MPRIP: variants seen among roughly 807,000 people sequenced by gnomAD.
MPRIP encodes the protein myosin phosphatase Rho interacting protein.
Under a neutral mutation model 234.9 loss-of-function variants are expected in MPRIP, and 59 were observed. That is an observed-to-expected ratio of 0.25 (90% CI 0.20 to 0.31). MPRIP has a LOEUF of 0.31. Among genes scored for constraint, MPRIP ranks in the 10% least tolerant of loss-of-function variants. MPRIP has a pLI of 1.00. For missense variants in MPRIP, 2,436 were observed against 3,071.0 expected (o/e 0.79, Z 4.89); for synonymous variants, 1,144 against 1,263.9 (o/e 0.91, Z 2.01).
intron 3 of MPRIP, among the ~76,000 whole-genome samples, chr17:17,119,865 T>C (rs1022148002): frequency 1.6e-4 from 24 of 152,242 alleles, no homozygotes; most frequent in African/African-American, 5.5e-4. Context: ...CGTTTTCCAT[T>C]TCATGTGCAT....
chr17:17,125,489 A>AG (rs1417315088), intron 3 of MPRIP, among the ~76,000 whole-genome samples: 5 of 152,248 alleles, frequency 3.3e-5, no homozygotes, highest in Non-Finnish European at 7.3e-5. Flanking sequence ...TGACTCCTGC[A>AG]GGCAGGCATC....
intron 3 of MPRIP, among the ~76,000 whole-genome samples, chr17:17,109,981 C>T (rs899443395): frequency 1.2e-4 from 19 of 152,132 alleles, no homozygotes; most frequent in Admixed American, 1.2e-3. Context: ...CTCCAAACCT[C>T]ACGTTGAAAT....
intron 13 of MPRIP, among the ~76,000 whole-genome samples, chr17:17,157,061 G>T (rs1377531588): frequency 6.6e-6 from 1 of 152,210 alleles, no homozygotes; most frequent in African/African-American, 2.4e-5. Flanking sequence ...GAGGGCCTGG[G>T]TGAGATTAGG....
chr17:17,101,870 C>T (rs1473817868), intron 3 of MPRIP, among the ~76,000 whole-genome samples: 1 of 152,158 alleles, frequency 6.6e-6, no homozygotes, highest in Non-Finnish European at 1.5e-5. Context: ...AGAAAGCCTG[C>T]CTGCCTTGGC....
In MPRIP at chr17:17,192,602, C is replaced by T. The variant is rs889910357; in HGVS notation, c.*7708C>T. On this transcript the variant is annotated 3_prime_UTR_variant, in exon 24 of 24. Coordinates refer to ENST00000651222, the MANE Select transcript of MPRIP (RefSeq NM_001364716.4). ...TTTTTATTTTGTAAATATTACCTAACTTTACATAAACTATATCATAATAAA... is the reference window on the plus strand; with the variant it reads ...TTTTTATTTTGTAAATATTACCTAATTTTACATAAACTATATCATAATAAA... 1.3e-5 allele frequency: 2 copies of T among 152,054 alleles called. No homozygotes were observed. The highest frequency in any genetic ancestry group is 4.8e-5 in the African/African-American group (2 of 41,404). 9.4% of individuals were successfully genotyped at this position (152,054 alleles called of 1,614,324 possible). A position where few individuals can be genotyped will look rare whatever the true frequency, so the allele number is the denominator to read the frequency against.
At chr17:17,065,441 G>C (rs1321480546) in intron 1 of MPRIP, among the ~76,000 whole-genome samples, 2 of 143,578 alleles carry the variant, frequency 1.4e-5, no homozygotes, top group African/African-American at 5.2e-5. Context: ...TTTGTTGAAA[G>C]ACTGTATTTC....
At chr17:17,057,813 A>G in intron 1 of MPRIP, 2 of 673,862 alleles carry the variant, frequency 3.0e-6, no homozygotes, top group Non-Finnish European at 5.4e-6. Flanking sequence ...GGATCTTCAC[A>G]GTTTGAAGAG....
chr17:17,180,771 CATACCA>C, intron 23 of MPRIP: 1 of 1,229,450 alleles, frequency 8.1e-7, no homozygotes, highest in Non-Finnish European at 1.2e-6. Flanking sequence ...CCAACAAACA[CATACCA>C]AATCCAAGTG....
intron 23 of MPRIP, among the ~76,000 whole-genome samples, chr17:17,183,964 G>T (rs2046424161): frequency 6.6e-6 from 1 of 152,274 alleles, no homozygotes; most frequent in African/African-American, 2.4e-5. Flanking sequence ...AGGGCTGAGT[G>T]TGATGGCGAC....
chr17:17,162,075 A>G (rs1034470117), intron 15 of MPRIP, among the ~76,000 whole-genome samples: 2 of 152,226 alleles, frequency 1.3e-5, no homozygotes, highest in Non-Finnish European at 2.9e-5. Flanking sequence ...GGAGATTGTG[A>G]TAGGAAGATT....
At chr17:17,130,268 AC>A (rs1423894633) in intron 4 of MPRIP, among the ~76,000 whole-genome samples, 2 of 151,822 alleles carry the variant, frequency 1.3e-5, no homozygotes, top group Non-Finnish European at 2.9e-5. Context: ...TCAACAGCAC[AC>A]CCATCCTGAG....
chr17:17,125,129 C>T (rs2090466226), intron 3 of MPRIP, among the ~76,000 whole-genome samples: 1 of 152,240 alleles, frequency 6.6e-6, no homozygotes, highest in South Asian at 2.1e-4. Flanking sequence ...GGCTCCTTCT[C>T]AAGGACCCTC....
chr17:17,158,049 AG>A (rs780038397), intron 13 of MPRIP, among the ~76,000 whole-genome samples: 3 of 152,046 alleles, frequency 2.0e-5, no homozygotes, highest in Non-Finnish European at 4.4e-5. Flanking sequence ...CCTGCCTCTG[AG>A]GCTGTGGGAG....
intron 3 of MPRIP, among the ~76,000 whole-genome samples, chr17:17,099,632 C>T (rs936322164): frequency 6.6e-6 from 1 of 152,096 alleles, no homozygotes; most frequent in Non-Finnish European, 1.5e-5. Flanking sequence ...GAGGCTGAGG[C>T]CAGAGGATCG....
intron 2 of MPRIP, chr17:17,077,753 A>T (rs1597762928): frequency 1.3e-3 from 5 of 3,766 alleles, no homozygotes; most frequent in South Asian, 0.012. Flanking sequence ...TCCAAGTGTT[A>T]AAAAAAAAAA....
At position 17,188,860 on chromosome 17, in the gene MPRIP, C is replaced by G. The variant is rs2046529199; in HGVS notation, c.*3966C>G. 1 of 152,216 alleles carries G rather than the reference C, an allele frequency of 6.6e-6. No individual in the cohort carries two copies. Among genetic ancestry groups the G allele is most frequent in the African/African-American group, 2.4e-5 (1 of 41,446 alleles). 9.4% of individuals were successfully genotyped at this position (152,216 alleles called of 1,614,324 possible). A position where few individuals can be genotyped will look rare whatever the true frequency, so the allele number is the denominator to read the frequency against. On this transcript the variant is annotated 3_prime_UTR_variant, in exon 24 of 24. Coordinates refer to ENST00000651222, the MANE Select transcript of MPRIP (RefSeq NM_001364716.4). Reference sequence around the variant, plus strand: ...GGGGTCCCTGTTGGCAGCCAGGTCCCTACACAAACAAGTAATCCTGTTTGG... The same window carrying G: ...GGGGTCCCTGTTGGCAGCCAGGTCCGTACACAAACAAGTAATCCTGTTTGG...
intron 7 of MPRIP, 177 bp from the exon 8 acceptor site, chr17:17,142,450 C>T: frequency 3.1e-6 from 2 of 645,558 alleles, no homozygotes; most frequent in South Asian, 1.9e-5. Flanking sequence ...GGAGGGAGGG[C>T]CGTGGAGGGG....
intron 1 of MPRIP, among the ~76,000 whole-genome samples, chr17:17,044,395 C>T (rs1365700952): frequency 2.6e-5 from 4 of 152,178 alleles, no homozygotes; most frequent in African/African-American, 9.7e-5. Context: ...CTGTCACTTC[C>T]AGCTGTGTGA....
intron 7 of MPRIP, chr17:17,142,401 G>C: frequency 2.0e-6 from 1 of 499,844 alleles, no homozygotes. Flanking sequence ...AGGGCCTCTA[G>C]CGCGGGGGCA....
Sources: gnomAD v4.1 joint callset for allele counts (sites outside exome capture counted in the v4.1 genomes callset) on GRCh38, gnomAD v4.1.1 for gene constraint, MANE v1.5 for transcripts, NCBI Gene and HGNC (gene_info 2026-07-23, HGNC 2026-07-21) for gene names.